The following HECW2 variants were observed in gnomAD, a reference collection of about 807,000 sequenced individuals.
The protein encoded by HECW2 is E3 ubiquitin-protein ligase HECW2.
In HECW2, 61 loss-of-function variants were observed where a neutral mutation model predicts 175.2. The observed-to-expected ratio is 0.35, with a 90% CI of 0.28 to 0.43. The LOEUF is 0.43. Ranked by LOEUF, HECW2 falls within the 20% of genes least tolerant of loss-of-function variation. HECW2 has a pLI of 1.00. For synonymous variants in HECW2, 671 were observed against 731.0 expected (o/e 0.92, Z 1.32); for missense variants, 1,524 against 2,000.5 (o/e 0.76, Z 4.54).
chr2:196,404,269 T>C (rs935061598), intron 2 of HECW2, among the ~76,000 whole-genome samples: 1 of 152,226 alleles, frequency 6.6e-6, no homozygotes, highest in African/African-American at 2.4e-5. Flanking sequence ...ATTCTCCCTA[T>C]GATTTGCCCC....
At chr2:196,576,396 A>C (rs985140149) in intron 1 of HECW2, among the ~76,000 whole-genome samples, 1 of 152,220 alleles carries the variant, frequency 6.6e-6, no homozygotes, top group East Asian at 1.9e-4. Context: ...AAAAAGAAGG[A>C]AATCCTGCCA....
chr2:196,442,354 G>A (rs1449714907), intron 1 of HECW2, among the ~76,000 whole-genome samples: 1 of 152,166 alleles, frequency 6.6e-6, no homozygotes, highest in East Asian at 1.9e-4. Flanking sequence ...AAAATGCAGT[G>A]AGAAACAACA....
intron 3 of HECW2, among the ~76,000 whole-genome samples, chr2:196,341,889 T>C (rs1313852048): frequency 1.3e-5 from 2 of 152,238 alleles, no homozygotes; most frequent in African/African-American, 4.8e-5. Context: ...CCTTTTAAGA[T>C]AACTGTGTAT....
Position 196,264,139 on chromosome 2 carries a change from G to T in HECW2, c.3336-6233C>A, listed in dbSNP as rs546356380. On this transcript the variant is annotated intron_variant, in intron 17 of 28. Transcript: ENST00000644978. ...GAAATGCTTCTGATTCAGTAACTGG[G>T]CAATTTATTTAAATATAAGTAAAAA... 7.2e-5 allele frequency: 11 copies of T among 152,198 alleles called. No homozygotes were observed. The South Asian group carries it at 1.0e-3, about 14-fold the overall frequency. 9.4% of individuals were successfully genotyped at this position (152,198 alleles called of 1,614,324 possible).
At chr2:196,506,269 A>G (rs575250175) in intron 1 of HECW2, among the ~76,000 whole-genome samples, 131 of 152,358 alleles carry the variant, frequency 8.6e-4, no homozygotes, top group Non-Finnish European at 1.7e-3. Context: ...GATAAGCCCT[A>G]TATAGAAAAT....
intron 19 of HECW2, among the ~76,000 whole-genome samples, chr2:196,245,063 G>C (rs756673245): frequency 1.3e-5 from 2 of 152,204 alleles, no homozygotes; most frequent in Non-Finnish European, 2.9e-5. Context: ...AGCCTGAGGG[G>C]ATAAGGACTA....
At chr2:196,333,202 A>G (rs1469809260) in intron 4 of HECW2, among the ~76,000 whole-genome samples, 1 of 152,138 alleles carries the variant, frequency 6.6e-6, no homozygotes, top group East Asian at 1.9e-4. Context: ...TCAAATAAAT[A>G]TAATATTTGA....
intron 2 of HECW2, among the ~76,000 whole-genome samples, chr2:196,371,958 T>C (rs1329878775): frequency 1.3e-5 from 2 of 152,240 alleles, no homozygotes; most frequent in Non-Finnish European, 2.9e-5. Context: ...CTTAAAAGTT[T>C]ACTTTCAACA....
chr2:196,327,957 T>A lies in HECW2; in HGVS notation c.571+1618A>T, dbSNP rs183466878. Among the ~76,000 whole-genome samples the A allele has an allele frequency of 1.1e-4, 16 of 152,098 alleles. 1 individual carries two copies. Among genetic ancestry groups the A allele is most frequent in the Admixed American group, 9.2e-4 (14 of 15,276 alleles). On this transcript the variant is annotated intron_variant, in intron 5 of 28. Coordinates refer to ENST00000644978, the MANE Select transcript of HECW2 (RefSeq NM_001348768.2). Reference sequence around the variant, plus strand: ...CCCATCTGGAGTCAAAACCAATAAGTGTGTGTCATGCTTAGAATGATACGG... The same window carrying A: ...CCCATCTGGAGTCAAAACCAATAAGAGTGTGTCATGCTTAGAATGATACGG...
At chr2:196,545,657 C>G (rs1438679031) in intron 1 of HECW2, among the ~76,000 whole-genome samples, 1 of 152,202 alleles carries the variant, frequency 6.6e-6, no homozygotes, top group Non-Finnish European at 1.5e-5. Flanking sequence ...CTCTCTGAAA[C>G]CATGCTCTTA....
At chr2:196,466,188 A>G (rs1696945894) in intron 1 of HECW2, among the ~76,000 whole-genome samples, 1 of 152,178 alleles carries the variant, frequency 6.6e-6, no homozygotes, top group South Asian at 2.1e-4. Context: ...GTGTTACCCA[A>G]ATCTATTAAT....
intron 1 of HECW2, among the ~76,000 whole-genome samples, chr2:196,527,719 T>C (rs13428873): frequency 0.054 from 8,221 of 152,270 alleles, 729 homozygotes; most frequent in African/African-American, 0.19. Flanking sequence ...AAGTAATACA[T>C]TGCAGAGAAA....
chr2:196,411,027 C>G (rs1015157786), intron 2 of HECW2, among the ~76,000 whole-genome samples: 2 of 152,086 alleles, frequency 1.3e-5, no homozygotes, highest in African/African-American at 4.8e-5. Flanking sequence ...GAGGCAGGGT[C>G]TCACTCTGTT....
chr2:196,203,869 T>C (rs186416480), intron 28 of HECW2, among the ~76,000 whole-genome samples: 2 of 152,298 alleles, frequency 1.3e-5, no homozygotes, highest in East Asian at 1.9e-4. Flanking sequence ...GTAACTCCCA[T>C]TTCCTCTCCC....
chr2:196,233,993 AG>A (rs1315996981), intron 21 of HECW2, among the ~76,000 whole-genome samples: 1 of 152,234 alleles, frequency 6.6e-6, no homozygotes, highest in Non-Finnish European at 1.5e-5. Context: ...AAGATATTAC[AG>A]GAAGTTCTTA....
Position 196,274,023 on chromosome 2 carries a change from A to C in HECW2, c.3236T>G (p.Val1079Gly). 6.2e-7 allele frequency: 1 copy of C among 1,606,182 alleles called. No individual in the cohort carries two copies. Among genetic ancestry groups the C allele is most frequent in the South Asian group, 1.1e-5 (1 of 90,932 alleles). ...SRPQYQDMVP[V>G]AYNDKIVAFL... ...ATTTCTGGAAAGGGATGACATACCCACTGGAACCATGTCCTGGTACTGTGG... is the reference window on the plus strand; with the variant it reads ...ATTTCTGGAAAGGGATGACATACCCCCTGGAACCATGTCCTGGTACTGTGG... Residue 1079 changes from valine to glycine, a missense_variant and splice_region_variant, in exon 16 of 29, where the codon GTG becomes GGG. Coordinates refer to ENST00000644978, the MANE Select transcript of HECW2 (RefSeq NM_001348768.2).
chr2:196,262,373 A>C (rs1250123540), intron 17 of HECW2, among the ~76,000 whole-genome samples: 2 of 152,150 alleles, frequency 1.3e-5, no homozygotes, highest in African/African-American at 4.8e-5. Flanking sequence ...CTCAGTGGTA[A>C]TATAATGAAG....
At chr2:196,342,522 A>G (rs1019652572) in intron 3 of HECW2, among the ~76,000 whole-genome samples, 5 of 141,658 alleles carry the variant, frequency 3.5e-5, no homozygotes, top group Admixed American at 2.0e-4. Flanking sequence ...ACAAAAATGT[A>G]CTGAGTATTT....
At chr2:196,220,773 T>G (rs1687637393) in intron 25 of HECW2, 22 bp downstream of exon 25, 1 of 1,613,408 alleles carries the variant, frequency 6.2e-7, no homozygotes, top group South Asian at 1.1e-5. Flanking sequence ...TGCAAACTCC[T>G]CCTACTGCTG....
Sources: gnomAD v4.1 joint callset for allele counts (sites outside exome capture counted in the v4.1 genomes callset) on GRCh38, gnomAD v4.1.1 for gene constraint, MANE v1.5 for transcripts, NCBI Gene and HGNC (gene_info 2026-07-23, HGNC 2026-07-21) for gene names.